The following KIF6 variants were observed in gnomAD, a reference collection of about 807,000 sequenced individuals.
KIF6 encodes kinesin-like protein KIF6.
Under a neutral mutation model 112.7 loss-of-function variants are expected in KIF6, and 106 were observed. The ratio of observed to expected loss-of-function variants is 0.94; its 90% CI spans 0.80 to 1.11. The LOEUF (loss-of-function observed/expected upper bound fraction) is 1.11, where lower values mean the gene tolerates loss of function less well. Among genes scored for constraint, KIF6 ranks in the 50% least tolerant of loss-of-function variants. KIF6 has a pLI of 0.00. For missense variants in KIF6, 929 were observed against 964.0 expected (o/e 0.96, Z 0.48); for synonymous variants, 339 against 339.9 (o/e 1.00, Z 0.03).
intron 4 of KIF6, 84 bp from the exon 5 acceptor site, chr6:39,635,042 T>C: frequency 1.4e-6 from 1 of 739,584 alleles, no homozygotes; most frequent in Non-Finnish European, 2.4e-6. Flanking sequence ...AGCACTCAGT[T>C]TCCTCATAGT....
intron 3 of KIF6, among the ~76,000 whole-genome samples, chr6:39,671,909 T>C (rs769399143): frequency 6.6e-6 from 1 of 152,216 alleles, no homozygotes; most frequent in Non-Finnish European, 1.5e-5. Flanking sequence ...ATGTGCATGT[T>C]AGATTCACTG....
At position 39,537,710 on chromosome 6, in the gene KIF6, A is replaced by G. The variant is rs527848150; in HGVS notation, c.1645+2293T>C. ...ATGACTTTCTTCACAGAATTGGAAA[A>G]AACTACTTTAAAGTTCATACGGAAC... is the stretch of plus-strand genomic sequence containing the variant. On this transcript the variant is annotated intron_variant, in intron 13 of 22. Transcript: ENST00000287152. Among the ~76,000 whole-genome samples the G allele has an allele frequency of 5.9e-5, 9 of 152,308 alleles. No homozygotes were observed. In the East Asian group the frequency reaches 1.7e-3, roughly 29 times the overall value.
chr6:39,562,404 T>C (rs1204229824), intron 10 of KIF6, among the ~76,000 whole-genome samples: 1 of 152,186 alleles, frequency 6.6e-6, no homozygotes, highest in Non-Finnish European at 1.5e-5. Flanking sequence ...AAAATATCAT[T>C]TCTATAAGAC....
At chr6:39,724,647 T>A (rs1790429249) in intron 1 of KIF6, among the ~76,000 whole-genome samples, 1 of 152,186 alleles carries the variant, frequency 6.6e-6, no homozygotes, top group Non-Finnish European at 1.5e-5. Flanking sequence ...TACCTATATC[T>A]ATTAATACAA....
In KIF6 at chr6:39,588,218, CATTT is replaced by C. The variant is rs746836108; in HGVS notation, c.847-1818_847-1815del. 7.2e-5 allele frequency among the ~76,000 whole-genome samples: 11 copies of C among 152,066 alleles called. 1 individual carries two copies. Among genetic ancestry groups the C allele is most frequent in the African/African-American group, 1.4e-4 (6 of 41,484 alleles). On this transcript the variant is annotated intron_variant, in intron 7 of 22. Transcript: ENST00000287152. ...ACCTGGCTTTAATTATTATTTAATT[CATTT>C]ATTTATTTATTTGAGACAGAGTCTT...
chr6:39,586,667 G>C (rs1267185371), intron 7 of KIF6, among the ~76,000 whole-genome samples: 3 of 152,116 alleles, frequency 2.0e-5, no homozygotes, highest in Non-Finnish European at 4.4e-5. Context: ...TATAGAACTG[G>C]ATACACTATT....
At chr6:39,589,940 T>C (rs989040096) in intron 7 of KIF6, among the ~76,000 whole-genome samples, 4 of 152,204 alleles carry the variant, frequency 2.6e-5, no homozygotes, top group African/African-American at 9.6e-5. Flanking sequence ...AAATATAAAA[T>C]GTGCTCAACA....
chr6:39,411,912 G>A (rs1769504295), intron 15 of KIF6, among the ~76,000 whole-genome samples: 1 of 152,154 alleles, frequency 6.6e-6, no homozygotes, highest in Non-Finnish European at 1.5e-5. Context: ...GGCTATAAAA[G>A]AACATCCACC....
chr6:39,608,083 T>C lies in KIF6; in HGVS notation c.639+5106A>G, dbSNP rs145999174. ...GTTCCTATAACTCACATAAACCTATTAACCCCAACTCACACCCTGTCTCCC... is the reference window on the plus strand; with the variant it reads ...GTTCCTATAACTCACATAAACCTATCAACCCCAACTCACACCCTGTCTCCC... On this transcript the variant is annotated intron_variant, in intron 6 of 22. Transcript: ENST00000287152. Among the ~76,000 whole-genome samples, 1,222 of 152,214 alleles carry C rather than the reference T, an allele frequency of 8.0e-3. 10 individuals are homozygous for C. Among genetic ancestry groups the C allele is most frequent in the Non-Finnish European group, 0.011 (765 of 68,016 alleles).
At chr6:39,613,111 CTTT>C in intron 6 of KIF6, 75 bp downstream of exon 6, 1 of 1,079,968 alleles carries the variant, frequency 9.3e-7, no homozygotes. Context: ...TCTATTATAT[CTTT>C]TTTTTTTCTG....
At chr6:39,599,233 AT>A in intron 6 of KIF6, among the ~76,000 whole-genome samples, 1 of 152,334 alleles carries the variant, frequency 6.6e-6, no homozygotes, top group South Asian at 2.1e-4. Flanking sequence ...AAAACTAAAA[AT>A]ATTCCAAATG....
chr6:39,384,428 G>A (rs1231666786), intron 16 of KIF6, among the ~76,000 whole-genome samples: 4 of 152,186 alleles, frequency 2.6e-5, no homozygotes, highest in African/African-American at 9.7e-5. Flanking sequence ...GAATCTCAAT[G>A]CTAAGTGTGT....
chr6:39,477,498 TTC>T (rs1167543363), intron 13 of KIF6, among the ~76,000 whole-genome samples: 1 of 152,162 alleles, frequency 6.6e-6, no homozygotes, highest in Non-Finnish European at 1.5e-5. Flanking sequence ...AAGGGGCTGG[TTC>T]TCTGCATAAT....
At chr6:39,680,884 C>A (rs1242227070) in intron 3 of KIF6, among the ~76,000 whole-genome samples, 1 of 151,988 alleles carries the variant, frequency 6.6e-6, no homozygotes, top group Non-Finnish European at 1.5e-5. Flanking sequence ...GTGGGGAATG[C>A]AAAAGTGAAT....
intron 13 of KIF6, among the ~76,000 whole-genome samples, chr6:39,518,853 A>T (rs1038507479): frequency 6.6e-6 from 1 of 152,226 alleles, no homozygotes; most frequent in Non-Finnish European, 1.5e-5. Context: ...TAAAATTTCT[A>T]AAAAGAGATC....
chr6:39,507,638 C>CCCTTCCTT (rs771041554), intron 13 of KIF6, among the ~76,000 whole-genome samples: 3 of 29,858 alleles, frequency 1.0e-4, no homozygotes, highest in South Asian at 1.9e-3. Context: ...CTTTCCTTTC[C>CCCTTCCTT]CCTTCCTTCC....
chr6:39,337,171 C>CTTT (rs1388880147), intron 22 of KIF6, among the ~76,000 whole-genome samples: 4,962 of 46,990 alleles, frequency 0.11, 153 homozygotes, highest in East Asian at 0.24. Flanking sequence ...TTCTTTCCTT[C>CTTT]CTTCTTTCTT....
intron 13 of KIF6, among the ~76,000 whole-genome samples, chr6:39,510,872 C>CAAAAAAAAAAAAAAA (rs1180631310): frequency 3.8e-4 from 9 of 23,868 alleles, no homozygotes; most frequent in East Asian, 2.2e-3. Flanking sequence ...AAATGGGAAG[C>CAAAAAAAAAAAAAAA]AAAAAAAAAA....
chr6:39,725,013 G>T (rs1231914768), intron 1 of KIF6, among the ~76,000 whole-genome samples: 1 of 152,212 alleles, frequency 6.6e-6, no homozygotes, highest in Admixed American at 6.5e-5. Context: ...GCTCTCTGCC[G>T]GGTCTGCGCT....
Sources: allele counts gnomAD v4.1 joint callset (sites outside exome capture counted in the v4.1 genomes callset), GRCh38; gene constraint gnomAD v4.1.1; transcripts MANE v1.5; gene names NCBI Gene and HGNC (gene_info 2026-07-23, HGNC 2026-07-21).